STXBP5: variants seen among roughly 807,000 people sequenced by gnomAD.
STXBP5 encodes the protein syntaxin-binding protein 5.
A neutral mutation model predicts 152.4 loss-of-function variants in STXBP5; 50 were observed. The ratio of observed to expected loss-of-function variants is 0.33; its 90% CI spans 0.26 to 0.42. The LOEUF (loss-of-function observed/expected upper bound fraction) is 0.42. STXBP5 is among the 10% of genes least tolerant of loss of function. STXBP5 has a pLI of 1.00. For synonymous variants in STXBP5, 492 were observed against 494.7 expected (o/e 0.99, Z 0.07); for missense variants, 1,167 against 1,388.6 (o/e 0.84, Z 2.54).
chr6:147,243,248 TTTGGTA>T (rs1486425358), intron 4 of STXBP5, among the ~76,000 whole-genome samples: 9 of 152,202 alleles, frequency 5.9e-5, no homozygotes, highest in Non-Finnish European at 1.2e-4. Flanking sequence ...CTTACTAACA[TTTGGTA>T]TTGCCAGTTA....
intron 7 of STXBP5, among the ~76,000 whole-genome samples, chr6:147,272,631 C>T (rs1440885535): frequency 6.6e-6 from 1 of 152,022 alleles, no homozygotes; most frequent in Non-Finnish European, 1.5e-5. Flanking sequence ...ACTACCTTTC[C>T]CCTCCCCTAA....
In STXBP5 at chr6:147,226,819, C is replaced by T. The variant is rs977843437; in HGVS notation, c.249-8431C>T. Reference sequence around the variant, plus strand: ...TACCCTCAGTGCCTATTAAAGTTCTCAAATAAGAAAAATTGATGAGTTAAG... The same window carrying T: ...TACCCTCAGTGCCTATTAAAGTTCTTAAATAAGAAAAATTGATGAGTTAAG... On this transcript the variant is annotated intron_variant, in intron 2 of 27. Coordinates refer to ENST00000321680, the MANE Select transcript of STXBP5 (RefSeq NM_001127715.4). 3.3e-5 allele frequency among the ~76,000 whole-genome samples: 5 copies of T among 152,186 alleles called. No individual in the cohort carries two copies. The South Asian group carries it at 1.0e-3, about 32-fold the overall frequency.
At position 147,377,552 on chromosome 6, in the gene STXBP5, G is replaced by A. The variant is rs1405656699; in HGVS notation, c.3193+3710G>A. Among the ~76,000 whole-genome samples, 5 of 152,276 alleles carry A rather than the reference G, an allele frequency of 3.3e-5. No homozygotes were observed. In the South Asian group the frequency reaches 8.3e-4, roughly 25 times the overall value. ...CTTATTTCTTACAGCTCTGGAGGTT[G>A]GAAGTTTGAGATCAAGGTGCCAGCA... On this transcript the variant is annotated intron_variant, in intron 26 of 27. Coordinates refer to ENST00000321680, the MANE Select transcript of STXBP5 (RefSeq NM_001127715.4).
intron 9 of STXBP5, among the ~76,000 whole-genome samples, chr6:147,296,887 G>A (rs1781552652): frequency 6.6e-6 from 1 of 152,084 alleles, no homozygotes; most frequent in Admixed American, 6.6e-5. Context: ...GAATTTGAAG[G>A]CAGGTCTTTT....
chr6:147,309,887 T>C (rs1370951986), intron 9 of STXBP5, among the ~76,000 whole-genome samples, 197 bp from the exon 10 acceptor site: 1 of 152,170 alleles, frequency 6.6e-6, no homozygotes, highest in Non-Finnish European at 1.5e-5. Flanking sequence ...TTTATTTTTA[T>C]TGCAGGTTAA....
chr6:147,314,119 T>C (rs1782517535), intron 12 of STXBP5, 88 bp downstream of exon 12: 4 of 1,495,586 alleles, frequency 2.7e-6, no homozygotes, highest in Non-Finnish European at 3.6e-6. Flanking sequence ...CATTATACCT[T>C]TTCTATGGAA....
intron 19 of STXBP5, 72 bp from the exon 20 acceptor site, chr6:147,339,107 A>AT: frequency 7.6e-7 from 1 of 1,310,378 alleles, no homozygotes; most frequent in Non-Finnish European, 1.0e-6. Flanking sequence ...TTATTTGTAC[A>AT]TTTTTCTTGT....
chr6:147,276,729 A>T (rs1780459471), intron 7 of STXBP5, among the ~76,000 whole-genome samples: 1 of 152,140 alleles, frequency 6.6e-6, no homozygotes, highest in South Asian at 2.1e-4. Flanking sequence ...AAAATGTCAT[A>T]TGTATATGTC....
chr6:147,369,213 A>G (rs1785433133), intron 25 of STXBP5, among the ~76,000 whole-genome samples: 1 of 152,068 alleles, frequency 6.6e-6, no homozygotes, highest in African/African-American at 2.4e-5. Flanking sequence ...AGGCAATGCA[A>G]TGGAGAAAGG....
intron 8 of STXBP5, among the ~76,000 whole-genome samples, chr6:147,290,093 A>G (rs188314086): frequency 2.8e-4 from 43 of 152,226 alleles, no homozygotes; most frequent in African/African-American, 1.0e-3. Context: ...CCCGTGGTCT[A>G]ATTACTTGAG....
At position 147,389,404 on chromosome 6, in the gene STXBP5, A is replaced by C. The variant is rs749991458; in HGVS notation, c.*4649A>C. On this transcript the variant is annotated 3_prime_UTR_variant, in exon 28 of 28. Coordinates refer to ENST00000321680, the MANE Select transcript of STXBP5 (RefSeq NM_001127715.4). ...TATAACATTGCTTTCTTCAGTTATT[A>C]ATACAGTCAAATTAATTTTAACAAT... 8.6e-5 allele frequency: 13 copies of C among 151,876 alleles called. No homozygotes were observed. Among genetic ancestry groups the C allele is most frequent in the Non-Finnish European group, 1.6e-4 (11 of 67,788 alleles). The allele number at this position is 151,876 out of a possible 1,614,324, so 9.4% of individuals were successfully genotyped here.
Position 147,267,165 on chromosome 6 carries a change from G to T in STXBP5, c.712G>T (p.Glu238Ter). 6.3e-7 allele frequency: 1 copy of T among 1,597,112 alleles called. No homozygotes were observed. Among genetic ancestry groups the T allele is most frequent in the South Asian group, 1.1e-5 (1 of 87,646 alleles). The part of the protein sequence containing the change: ...KKADYRYTYD[E>*]AIHSVAWHHE... The stretch of plus-strand genomic sequence containing the variant: ...AGCCGACTACAGATACACATATGAT[G>T]AGGTAATATTATTTTTGCTAGTAAA... Residue 238 changes from glutamate (E) to a stop codon, truncating the protein, a stop_gained and splice_region_variant, in exon 7 of 28, where the codon GAG becomes TAG. Coordinates refer to ENST00000321680, the MANE Select transcript of STXBP5 (RefSeq NM_001127715.4). LOFTEE classifies it high-confidence loss of function.
chr6:147,266,314 C>A (rs562433428), intron 6 of STXBP5, among the ~76,000 whole-genome samples: 1 of 152,000 alleles, frequency 6.6e-6, no homozygotes, highest in South Asian at 2.1e-4. Flanking sequence ...GGTTTGTATT[C>A]TAGAACTCTT....
intron 19 of STXBP5, among the ~76,000 whole-genome samples, chr6:147,337,945 C>T (rs1783910247): frequency 6.6e-6 from 1 of 152,072 alleles, no homozygotes; most frequent in Non-Finnish European, 1.5e-5. Flanking sequence ...CAGAGAAAAG[C>T]TGTCAAGGAC....
chr6:147,274,875 A>G (rs908408375), intron 7 of STXBP5, among the ~76,000 whole-genome samples: 2 of 152,102 alleles, frequency 1.3e-5, no homozygotes, highest in Non-Finnish European at 2.9e-5. Context: ...TAAGAATATT[A>G]ATTAGTATAT....
rs1785161271 is a variant in STXBP5, at chr6:147,363,564, A to G, written c.2775A>G (p.Val925=). 8 of 1,614,196 alleles carry G rather than the reference A, an allele frequency of 5.0e-6. No individual in the cohort carries two copies. The highest frequency in any genetic ancestry group is 6.8e-6 in the Non-Finnish European group (8 of 1,180,038). ...AVICSEKQAK[V]ISLPTQNCAY... is the part of the protein sequence containing the mutation. ...TATGTTCTGAAAAGCAAGCAAAAGT[A>G]ATCTCACTGCCAACCCAGAACTGTG... The change falls in exon 24 of 28, where the codon GTA becomes GTG. Residue 925 remains valine, a synonymous_variant. Transcript: ENST00000321680.
At chr6:147,301,594 C>G (rs1400139985) in intron 9 of STXBP5, among the ~76,000 whole-genome samples, 1 of 152,140 alleles carries the variant, frequency 6.6e-6, no homozygotes, top group Non-Finnish European at 1.5e-5. Context: ...CATTCTACAA[C>G]CCAGCCCAGA....
intron 9 of STXBP5, among the ~76,000 whole-genome samples, chr6:147,298,151 A>G (rs1436471274): frequency 6.6e-6 from 1 of 152,110 alleles, no homozygotes; most frequent in South Asian, 2.1e-4. Flanking sequence ...GAAAGTATGG[A>G]AAAAGATATT....
chr6:147,217,308 T>G (rs1777220864), intron 2 of STXBP5, among the ~76,000 whole-genome samples: 1 of 152,250 alleles, frequency 6.6e-6, no homozygotes, highest in Admixed American at 6.5e-5. Context: ...TAAAATTCAC[T>G]TAACATACTT....
Sources: allele counts gnomAD v4.1 joint callset (sites outside exome capture counted in the v4.1 genomes callset), GRCh38; gene constraint gnomAD v4.1.1; transcripts MANE v1.5; gene names NCBI Gene and HGNC (gene_info 2026-07-23, HGNC 2026-07-21).